The following MMP8 variants were observed in gnomAD, a reference collection of about 807,000 sequenced individuals.
The protein encoded by MMP8 is neutrophil collagenase.
Under a neutral mutation model 51.2 loss-of-function variants are expected in MMP8, and 67 were observed. The ratio of observed to expected loss-of-function variants is 1.31; its 90% CI spans 1.08 to 1.60. The LOEUF (loss-of-function observed/expected upper bound fraction) is 1.60, where lower values mean the gene tolerates loss of function less well. MMP8 is among the 40% of genes most tolerant of loss of function. The pLI, the probability that MMP8 is intolerant of heterozygous loss-of-function variation, is 0.00. For missense variants in MMP8, 654 were observed against 558.1 expected (o/e 1.17, Z -1.73); for synonymous variants, 225 against 191.0 (o/e 1.18, Z -1.47).
In MMP8 at chr11:102,713,097, A is replaced by T. The variant is rs1861172957; in HGVS notation, c.*251T>A. 1.4e-5 allele frequency: 5 copies of T among 357,732 alleles called. No homozygotes were observed. Among genetic ancestry groups the T allele is most frequent in the Non-Finnish European group, 2.5e-5 (5 of 196,766 alleles). The allele number at this position is 357,732 out of a possible 1,614,324, so 22.2% of individuals were successfully genotyped here. A position where few individuals can be genotyped will look rare whatever the true frequency, so the allele number is the denominator to read the frequency against. ...TTGAAATAGTAAATATTGAGGTGAC[A>T]AAAAGGCTTACTTTCCTTCTCTTTG... On this transcript the variant is annotated 3_prime_UTR_variant, in exon 10 of 10. Transcript: ENST00000236826.
rs748935672 is a variant in MMP8, at chr11:102,715,341, A to T, written c.999T>A (p.Tyr333Ter). ...PSLPTGIQAA[Y>*]EDFDRDLIFL... ...AAATGAGGTCTCTGTCAAAATCTTC[A>T]TAAGCAGCCTGTATACCAGTTGGAA... The change falls in exon 7 of 10, where the codon TAT (tyrosine) becomes TAA (stop). Residue 333 changes from tyrosine (Y) to a stop codon, truncating the protein, a stop_gained. Transcript: ENST00000236826. LOFTEE classifies it high-confidence loss of function. 5 of 1,612,940 alleles carry T rather than the reference A, an allele frequency of 3.1e-6. No homozygotes were observed. The highest frequency in any genetic ancestry group is 4.2e-6 in the Non-Finnish European group (5 of 1,179,636).
intron 4 of MMP8, among the ~76,000 whole-genome samples, chr11:102,720,634 T>C (rs1431597389): frequency 6.6e-6 from 1 of 152,186 alleles, no homozygotes; most frequent in Non-Finnish European, 1.5e-5. Flanking sequence ...ATACCTGTCC[T>C]CAGCCTCATT....
chr11:102,724,863 T>G lies in MMP8; in HGVS notation c.-8A>C. The G allele has an allele frequency of 6.2e-7, 1 of 1,606,076 alleles. No individual in the cohort carries two copies. The highest frequency in any genetic ancestry group is 8.5e-7 in the Non-Finnish European group (1 of 1,175,426). ...CGTCTTCAGGGAGAACATGATCTTC[T>G]CTTCAAACTCTACCCCTCCTGGCTT... On this transcript the variant is annotated 5_prime_UTR_variant, in exon 1 of 10. Coordinates refer to ENST00000236826, the MANE Select transcript of MMP8 (RefSeq NM_002424.3).
At chr11:102,723,433 T>C (rs1420675435) in intron 1 of MMP8, 2 of 430,694 alleles carry the variant, frequency 4.6e-6, no homozygotes, top group Non-Finnish European at 9.2e-6. Flanking sequence ...TAACAGAATA[T>C]CTGAAGCTGG....
At position 102,713,452 on chromosome 11, in the gene MMP8, A is replaced by C; in HGVS notation, c.1300T>G (p.Phe434Val). The C allele has an allele frequency of 6.2e-7, 1 of 1,605,640 alleles. No individual in the cohort carries two copies. Among genetic ancestry groups the C allele is most frequent in the Non-Finnish European group, 8.5e-7 (1 of 1,172,444 alleles). Residue 434 changes from phenylalanine to valine, a missense_variant, in exon 10 of 10, where the codon TTC becomes GTC. By Grantham distance (50) the Phe-to-Val change is conservative (BLOSUM62 -1). Transcript: ENST00000236826. ...VDAVFQQEHFFHVFSGPRYYA... is the reference protein window; with the variant it reads ...VDAVFQQEHFVHVFSGPRYYA... ...TATCTTGGTCCACTGAAGACATGGAAGAAATCTATAAAAAAAGAGAGATAA... is the reference window on the plus strand; with the variant it reads ...TATCTTGGTCCACTGAAGACATGGACGAAATCTATAAAAAAAGAGAGATAA...
chr11:102,714,511 G>A (rs1158886279), intron 8 of MMP8, 45 bp downstream of exon 8: 3 of 1,317,760 alleles, frequency 2.3e-6, no homozygotes, highest in Non-Finnish European at 3.0e-6. Flanking sequence ...GCAGGGTAGA[G>A]AAACACAGAT....
chr11:102,721,614 C>G lies in MMP8; in HGVS notation c.496G>C (p.Asp166His), dbSNP rs773661713. The change falls in exon 3 of 10, where the codon GAT becomes CAT. Residue 166 changes from aspartate to histidine, a missense_variant and splice_region_variant. By Grantham distance (81) the Asp-to-His change is moderately conservative (BLOSUM62 -1). Transcript: ENST00000236826. ...CTGAGCATGACTGCTTTGTACCTACCTCTTTGGTAAAAAGCAATGTTGATA... is the reference window on the plus strand; with the variant it reads ...CTGAGCATGACTGCTTTGTACCTACGTCTTTGGTAAAAAGCAATGTTGATA... ...ADINIAFYQR[D>H]HGDNSPFDGP... 3 of 1,613,594 alleles carry G rather than the reference C, an allele frequency of 1.9e-6. No homozygotes were observed. In the East Asian group the frequency reaches 6.7e-5, roughly 36 times the overall value.
chr11:102,713,954 A>G (rs1366359495), intron 8 of MMP8, 97 bp from the exon 9 acceptor site: 2 of 720,272 alleles, frequency 2.8e-6, no homozygotes, highest in Non-Finnish European at 4.5e-6. Context: ...CTCCTCACAC[A>G]TATTTTTTCA....
chr11:102,722,955 C>T, intron 1 of MMP8: 1 of 1,287,748 alleles, frequency 7.8e-7, no homozygotes, highest in Non-Finnish European at 1.0e-6. Flanking sequence ...AGTCAGGAGA[C>T]TGTCTTCTTG....
At chr11:102,717,098 C>A (rs1173421296) in intron 5 of MMP8, among the ~76,000 whole-genome samples, 2 of 152,172 alleles carry the variant, frequency 1.3e-5, no homozygotes, top group Admixed American at 6.5e-5. Context: ...TGCTGTCCCA[C>A]CAGAGACAGA....
In MMP8 at chr11:102,713,542, A is replaced by G. The variant is rs1349558627; in HGVS notation, c.1295-85T>C. On this transcript the variant is annotated intron_variant, in intron 9 of 9. Coordinates refer to ENST00000236826, the MANE Select transcript of MMP8 (RefSeq NM_002424.3). Reference sequence around the variant, plus strand: ...GTTAGAAAACCCTGCCCCTGTTCCAACATAACATTCAAATGCAAACATGCT... The same window carrying G: ...GTTAGAAAACCCTGCCCCTGTTCCAGCATAACATTCAAATGCAAACATGCT... 10 of 1,202,956 alleles carry G rather than the reference A, an allele frequency of 8.3e-6. No individual in the cohort carries two copies. The East Asian group carries it at 2.2e-4, about 27-fold the overall frequency. 74.5% of individuals were successfully genotyped at this position (1,202,956 alleles called of 1,614,324 possible). A position where few individuals can be genotyped will look rare whatever the true frequency, so the allele number is the denominator to read the frequency against.
At position 102,713,238 on chromosome 11, in the gene MMP8, A is replaced by T. The variant is rs752960025; in HGVS notation, c.*110T>A. On this transcript the variant is annotated 3_prime_UTR_variant, in exon 10 of 10. Transcript: ENST00000236826. The stretch of plus-strand genomic sequence containing the variant: ...GGTAGAATGGATACAGTGATGGGAA[A>T]CAATGACTTAATATTGAGAAAAGTA... The T allele has an allele frequency of 1.3e-4, 97 of 719,630 alleles. 1 individual carries two copies. Among genetic ancestry groups the T allele is most frequent in the Middle Eastern group, 2.4e-4 (1 of 4,140 alleles). The allele number at this position is 719,630 out of a possible 1,614,324, so 44.6% of individuals were successfully genotyped here. A position where few individuals can be genotyped will look rare whatever the true frequency, so the allele number is the denominator to read the frequency against.
Position 102,716,411 on chromosome 11 carries a change from T to C in MMP8, c.793A>G (p.Ser265Gly). Residue 265 changes from serine to glycine, a missense_variant, in exon 6 of 10, where the codon AGC becomes GGC. Transcript: ENST00000236826. Reference protein sequence around the residue: ...DGIQAIYGLSSNPIQPTGPST... With the variant: ...DGIQAIYGLSGNPIQPTGPST... ...GGTCCAGTAGGTTGGATAGGGTTGC[T>C]TGAAAGTCCTGGAAAAAAAAAAAAA... The C allele has an allele frequency of 7.0e-7, 1 of 1,432,172 alleles. No individual in the cohort carries two copies. Among genetic ancestry groups the C allele is most frequent in the Non-Finnish European group, 9.4e-7 (1 of 1,067,946 alleles). The allele number at this position is 1,432,172 out of a possible 1,614,324, so 88.7% of individuals were successfully genotyped here.
Position 102,714,612 on chromosome 11 carries a change from G to T in MMP8, c.1134C>A (p.Asp378Glu). ...TTTTACTTCTGTAGAAAACAGCTGCGTCAATTGCTTGGACGCTGCTGGGGA... is the reference window on the plus strand; with the variant it reads ...TTTTACTTCTGTAGAAAACAGCTGCTTCAATTGCTTGGACGCTGCTGGGGA... Reference protein sequence around the residue: ...YGFPSSVQAIDAAVFYRSKTY... With the variant: ...YGFPSSVQAIEAAVFYRSKTY... The change falls in exon 8 of 10, where the codon GAC (aspartate) becomes GAA (glutamate). Residue 378 changes from aspartate (D) to glutamate (E), a missense_variant. Asp to Glu is a conservative substitution (Grantham distance 45). Coordinates refer to ENST00000236826, the MANE Select transcript of MMP8 (RefSeq NM_002424.3). 1.3e-6 allele frequency: 2 copies of T among 1,523,036 alleles called. No homozygotes were observed. Among genetic ancestry groups the T allele is most frequent in the Non-Finnish European group, 1.8e-6 (2 of 1,136,478 alleles). The allele number at this position is 1,523,036 out of a possible 1,614,324, so 94.3% of individuals were successfully genotyped here.
rs1861197859 is a variant in MMP8 at position 102,713,773 on chromosome 11, A to G, written c.1275T>C (p.Asp425=). 6.2e-7 allele frequency: 1 copy of G among 1,606,272 alleles called. No homozygotes were observed. Among genetic ancestry groups the G allele is most frequent in the African/African-American group, 1.3e-5 (1 of 74,280 alleles). Residue 425 remains aspartate (D), a synonymous_variant, in exon 9 of 10, where the codon GAT becomes GAC. Coordinates refer to ENST00000236826, the MANE Select transcript of MMP8 (RefSeq NM_002424.3). Reference sequence around the variant, plus strand: ...ACTTACGTTCTTGCTGGAAAACTGCATCAACTTTACTCTCTATTCCTGGAA... The same window carrying G: ...ACTTACGTTCTTGCTGGAAAACTGCGTCAACTTTACTCTCTATTCCTGGAA... ...GAFPGIESKV[D]AVFQQEHFFH... is the part of the protein sequence containing the mutation.
chr11:102,718,623 T>C (rs1448507674), intron 4 of MMP8, 48 bp from the exon 5 acceptor site: 10 of 1,607,624 alleles, frequency 6.2e-6, no homozygotes, highest in Non-Finnish European at 8.5e-6. Context: ...GATCCCAGGG[T>C]GGCAGAAACA....
At chr11:102,713,983 C>T (rs1223257603) in intron 8 of MMP8, 126 bp from the exon 9 acceptor site, 4 of 571,312 alleles carry the variant, frequency 7.0e-6, no homozygotes. Context: ...TCACAATGCC[C>T]TGTTTACTAG....
At chr11:102,716,078 A>T (rs1861283538) in intron 6 of MMP8, among the ~76,000 whole-genome samples, 2 of 152,158 alleles carry the variant, frequency 1.3e-5, no homozygotes, top group Admixed American at 1.3e-4. Flanking sequence ...AATTCAGTAT[A>T]GACACAAAAA....
At chr11:102,724,460 G>T (rs988988545) in intron 1 of MMP8, among the ~76,000 whole-genome samples, 18 of 152,130 alleles carry the variant, frequency 1.2e-4, no homozygotes, top group African/African-American at 4.3e-4. Context: ...GAAAGAAAAT[G>T]ATACCATTTT....
Sources: allele counts gnomAD v4.1 joint callset (sites outside exome capture counted in the v4.1 genomes callset), GRCh38; gene constraint gnomAD v4.1.1; transcripts MANE v1.5; gene names NCBI Gene and HGNC (gene_info 2026-07-23, HGNC 2026-07-21).